MRAP2: variants seen among roughly 807,000 people sequenced by gnomAD.
MRAP2 encodes melanocortin-2 receptor accessory protein 2.
Under a neutral mutation model 17.4 loss-of-function variants are expected in MRAP2, and 20 were observed. The observed-to-expected ratio is 1.15, with a 90% CI of 0.81 to 1.67. MRAP2 has a LOEUF of 1.67. Ranked by LOEUF, MRAP2 falls within the 40% of genes most tolerant of loss-of-function variation. The pLI, the probability that MRAP2 is intolerant of heterozygous loss-of-function variation, is 0.00. For missense variants in MRAP2, 238 were observed against 240.0 expected, an observed-to-expected ratio of 0.99 and a Z score of 0.05; for synonymous variants, 96 against 88.4, an observed-to-expected ratio of 1.09 and a Z score of -0.48.
At chr6:84,037,880 G>A (rs2099486561) in intron 1 of MRAP2, among the ~76,000 whole-genome samples, 1 of 152,190 alleles carries the variant, frequency 6.6e-6, no homozygotes, top group African/African-American at 2.4e-5. Flanking sequence ...AGCCCAGAGA[G>A]GGGCTCCCAC....
the MRAP2 span, chr6:84,125,308 T>C: frequency 1.3e-6 from 2 of 1,572,644 alleles, no homozygotes; most frequent in South Asian, 1.1e-5. Flanking sequence ...ATTGCTGTTA[T>C]AGTTCATAGT....
chr6:84,135,812 G>A, the MRAP2 span, among the ~76,000 whole-genome samples: 39 of 152,150 alleles, frequency 2.6e-4, no homozygotes, highest in African/African-American at 8.7e-4. Context: ...GCTGTGAGCC[G>A]AGATTGTGCC....
chr6:84,117,835 G>A, the MRAP2 span, among the ~76,000 whole-genome samples: 3 of 152,240 alleles, frequency 2.0e-5, no homozygotes, highest in East Asian at 1.9e-4. Flanking sequence ...CAAAGATGGC[G>A]GCCTGCCCCT....
the MRAP2 span, among the ~76,000 whole-genome samples, chr6:84,114,802 T>C: frequency 2.0e-5 from 3 of 152,144 alleles, no homozygotes; most frequent in African/African-American, 7.2e-5. Context: ...CTCCTTTCTG[T>C]TTATTTGTTT....
the MRAP2 span, among the ~76,000 whole-genome samples, chr6:84,116,036 G>A: frequency 2.0e-5 from 3 of 152,246 alleles, no homozygotes; most frequent in East Asian, 5.8e-4. Flanking sequence ...CCATCTTGAT[G>A]GGGTTTTCTA....
At chr6:84,044,190 T>C (rs1367324265) in intron 1 of MRAP2, among the ~76,000 whole-genome samples, 1 of 152,124 alleles carries the variant, frequency 6.6e-6, no homozygotes, top group Non-Finnish European at 1.5e-5. Context: ...GTTTATTTTC[T>C]GTTTTCTTTT....
intron 2 of MRAP2, among the ~76,000 whole-genome samples, chr6:84,057,676 C>T (rs1381072484): frequency 6.6e-6 from 1 of 152,108 alleles, no homozygotes; most frequent in Non-Finnish European, 1.5e-5. Context: ...CTATTTTAAG[C>T]ACTGGAGAGA....
the MRAP2 span, among the ~76,000 whole-genome samples, chr6:84,109,794 C>G: frequency 6.6e-6 from 1 of 150,906 alleles, no homozygotes. Flanking sequence ...ATGTTCCCCT[C>G]CCTGTGTCCA....
chr6:84,036,540 G>C (rs2099486033), intron 1 of MRAP2, among the ~76,000 whole-genome samples: 1 of 152,140 alleles, frequency 6.6e-6, no homozygotes, highest in African/African-American at 2.4e-5. Flanking sequence ...GCTGGCTTCA[G>C]GAGTGAAGCT....
intron 1 of MRAP2, chr6:84,045,408 C>G: frequency 1.0e-6 from 1 of 984,330 alleles, no homozygotes; most frequent in Non-Finnish European, 1.2e-6. Context: ...GAGCCACCTC[C>G]ACGAATGACC....
chr6:84,050,915 C>T (rs542029409), intron 1 of MRAP2, among the ~76,000 whole-genome samples: 1 of 152,302 alleles, frequency 6.6e-6, no homozygotes, highest in African/African-American at 2.4e-5. Flanking sequence ...GTGGCACTGG[C>T]TGGCAGTTTC....
chr6:84,118,677 C>CTCTA, the MRAP2 span, among the ~76,000 whole-genome samples: 2 of 152,104 alleles, frequency 1.3e-5, no homozygotes, highest in Admixed American at 6.5e-5. Context: ...CTCAGGCAGG[C>CTCTA]TCTACCCTGT....
chr6:84,110,049 C>T, the MRAP2 span, among the ~76,000 whole-genome samples: 1 of 152,108 alleles, frequency 6.6e-6, no homozygotes. Context: ...GTGAACAGTG[C>T]CGCAATAAAC....
At chr6:84,137,346 C>A in the MRAP2 span, among the ~76,000 whole-genome samples, 4 of 152,048 alleles carry the variant, frequency 2.6e-5, no homozygotes, top group African/African-American at 9.7e-5. Flanking sequence ...AGAATTTAAA[C>A]CCAGATCTTA....
At chr6:84,102,784 A>G in the MRAP2 span, among the ~76,000 whole-genome samples, 1 of 151,528 alleles carries the variant, frequency 6.6e-6, no homozygotes, top group African/African-American at 2.4e-5. Flanking sequence ...GATTAAGGCA[A>G]GGATTCTGAT....
At chr6:84,146,115 A>G in the MRAP2 span, among the ~76,000 whole-genome samples, 312 of 152,160 alleles carry the variant, frequency 2.1e-3, no homozygotes, top group African/African-American at 7.3e-3. Flanking sequence ...GTTCCAATCT[A>G]TGTTTTCCTC....
chr6:84,063,369 A>G, intron 3 of MRAP2: 3 of 985,430 alleles, frequency 3.0e-6, no homozygotes, highest in Non-Finnish European at 3.6e-6. Flanking sequence ...GCAAAATAGG[A>G]TGAAAACCAG....
chr6:84,117,441 C>A, the MRAP2 span, among the ~76,000 whole-genome samples: 1 of 151,790 alleles, frequency 6.6e-6, no homozygotes, highest in Non-Finnish European at 1.5e-5. Context: ...TAGTTTCAGT[C>A]AGAATAGTAC....
the MRAP2 span, among the ~76,000 whole-genome samples, chr6:84,105,804 G>A: frequency 6.6e-6 from 1 of 152,030 alleles, no homozygotes; most frequent in African/African-American, 2.4e-5. Context: ...TCACTTTCAG[G>A]TCAATGAAAT....
Sources: allele counts gnomAD v4.1 joint callset (sites outside exome capture counted in the v4.1 genomes callset), GRCh38; gene constraint gnomAD v4.1.1; transcripts MANE v1.5; gene names NCBI Gene and HGNC (gene_info 2026-07-23, HGNC 2026-07-21).